TMEM132D: variants seen among roughly 807,000 people sequenced by gnomAD.
TMEM132D encodes the protein transmembrane protein 132D.
In TMEM132D, 21 loss-of-function variants were observed where a neutral mutation model predicts 62.3. The observed-to-expected ratio is 0.34, with a 90% CI of 0.24 to 0.49. TMEM132D has a LOEUF of 0.49. Ranked by LOEUF, TMEM132D falls within the 20% of genes least tolerant of loss-of-function variation. The pLI is 0.99. For synonymous variants in TMEM132D, 621 were observed against 575.6 expected, an observed-to-expected ratio of 1.08 and a Z score of -1.13; for missense variants, 1,346 against 1,402.8, an observed-to-expected ratio of 0.96 and a Z score of 0.65.
intron 3 of TMEM132D, among the ~76,000 whole-genome samples, chr12:129,453,511 C>CA (rs1873368888): frequency 6.6e-6 from 1 of 152,072 alleles, no homozygotes; most frequent in Non-Finnish European, 1.5e-5. Context: ...TCTCTGAAGT[C>CA]AAAAAAGTAA....
intron 4 of TMEM132D, among the ~76,000 whole-genome samples, chr12:129,283,707 C>T (rs1881220608): frequency 6.6e-6 from 1 of 152,168 alleles, no homozygotes; most frequent in Non-Finnish European, 1.5e-5. Flanking sequence ...TCCTATACTC[C>T]AACACTCTCA....
chr12:129,252,768 A>G (rs1426045862), intron 4 of TMEM132D, among the ~76,000 whole-genome samples: 1 of 152,086 alleles, frequency 6.6e-6, no homozygotes, highest in African/African-American at 2.4e-5. Flanking sequence ...ACTATTCACA[A>G]TAGCAAAGAC....
Position 129,700,036 on chromosome 12 carries a change from T to C in TMEM132D, c.742A>G (p.Asn248Asp). The C allele has an allele frequency of 5.0e-6, 8 of 1,613,944 alleles. No individual in the cohort carries two copies. The highest frequency in any genetic ancestry group is 6.8e-6 in the Non-Finnish European group (8 of 1,180,034). ...TCACTGTGGCCTGTCCGGATCCCATTGCTTCTCCTCGCGTCTTCCCTGACG... is the reference window on the plus strand; with the variant it reads ...TCACTGTGGCCTGTCCGGATCCCATCGCTTCTCCTCGCGTCTTCCCTGACG... ...DCVREDARRS[N>D]GIRTGHSDID... Residue 248 changes from asparagine to aspartate, a missense_variant, in exon 2 of 9, where the codon AAT (asparagine) becomes GAT (aspartate). Transcript: ENST00000422113.
intron 1 of TMEM132D, among the ~76,000 whole-genome samples, chr12:129,860,624 T>A (rs551549678): frequency 1.6e-4 from 25 of 152,310 alleles, no homozygotes; most frequent in African/African-American, 5.5e-4. Context: ...AGCTATGTCA[T>A]CTTGTTGGCT....
chr12:129,176,101 T>A (rs115001885), intron 5 of TMEM132D, among the ~76,000 whole-genome samples: 84 of 152,304 alleles, frequency 5.5e-4, no homozygotes, highest in African/African-American at 1.9e-3. Context: ...CCACGTTGCG[T>A]GGAACTAGAC....
chr12:129,425,210 C>T (rs942842685), intron 3 of TMEM132D, among the ~76,000 whole-genome samples: 2 of 152,084 alleles, frequency 1.3e-5, no homozygotes, highest in African/African-American at 2.4e-5. Context: ...GTGCTAAGGA[C>T]GTTCATGCGC....
At chr12:129,205,693 C>T (rs1051636890) in intron 5 of TMEM132D, among the ~76,000 whole-genome samples, 3 of 152,082 alleles carry the variant, frequency 2.0e-5, no homozygotes, top group Admixed American at 1.3e-4. Context: ...AACTCTCCAC[C>T]CCTAAACAAT....
At chr12:129,803,779 A>T (rs1231432852) in intron 1 of TMEM132D, among the ~76,000 whole-genome samples, 8 of 151,954 alleles carry the variant, frequency 5.3e-5, no homozygotes, top group South Asian at 2.1e-4. Flanking sequence ...TCAACAAAAT[A>T]GATAGACCGC....
intron 2 of TMEM132D, among the ~76,000 whole-genome samples, chr12:129,561,127 C>T (rs1351571505): frequency 2.0e-5 from 3 of 152,176 alleles, no homozygotes; most frequent in South Asian, 2.1e-4. Flanking sequence ...ATTTGGTTTG[C>T]GAGATTCAGG....
intron 2 of TMEM132D, among the ~76,000 whole-genome samples, chr12:129,674,755 G>C (rs1880588689): frequency 6.6e-6 from 1 of 152,084 alleles, no homozygotes; most frequent in South Asian, 2.1e-4. Flanking sequence ...TGGCCAGACT[G>C]GTCTCGAACT....
At chr12:129,536,336 C>T (rs1357919918) in intron 2 of TMEM132D, among the ~76,000 whole-genome samples, 2 of 152,198 alleles carry the variant, frequency 1.3e-5, no homozygotes, top group Non-Finnish European at 2.9e-5. Flanking sequence ...GGGGTCACAG[C>T]AAAGCTTTTT....
chr12:129,523,415 T>A (rs543218438), intron 3 of TMEM132D, among the ~76,000 whole-genome samples: 15 of 152,306 alleles, frequency 9.8e-5, no homozygotes, highest in Admixed American at 5.2e-4. Flanking sequence ...AATGGCATAA[T>A]GTAATTATTG....
rs866481437 is a variant in TMEM132D, at chr12:129,149,895, G to A, written c.1443+59625C>T. On this transcript the variant is annotated intron_variant, in intron 5 of 8. Transcript: ENST00000422113. ...AACACTCCTCCTGTAGCTAACTACC[G>A]GCTTCTCCGGTGTGTAAGACTTTCA... Among the ~76,000 whole-genome samples, 5 of 152,214 alleles carry A rather than the reference G, an allele frequency of 3.3e-5. 1 individual carries two copies. Among genetic ancestry groups the A allele is most frequent in the African/African-American group, 4.8e-5 (2 of 41,454 alleles).
At chr12:129,464,197 G>T (rs11060359) in intron 3 of TMEM132D, among the ~76,000 whole-genome samples, 33,396 of 151,400 alleles carry the variant, frequency 0.22, 3,903 homozygotes, top group East Asian at 0.34. Flanking sequence ...TCTCATTGTG[G>T]TTTTGATTTG....
chr12:129,836,521 C>CGT (rs946944468), intron 1 of TMEM132D, among the ~76,000 whole-genome samples: 2 of 150,254 alleles, frequency 1.3e-5, no homozygotes, highest in African/African-American at 4.9e-5. Flanking sequence ...TGTGTGCGCG[C>CGT]GTGTGTGTGT....
chr12:129,592,224 G>T (rs1333036275), intron 2 of TMEM132D, among the ~76,000 whole-genome samples: 1 of 81,112 alleles, frequency 1.2e-5, no homozygotes, highest in African/African-American at 5.0e-5. Context: ...CTGATTTTAG[G>T]GAGTAAAAAA....
intron 3 of TMEM132D, among the ~76,000 whole-genome samples, chr12:129,528,459 A>C (rs1026404494): frequency 6.6e-6 from 1 of 151,126 alleles, no homozygotes; most frequent in Non-Finnish European, 1.5e-5. Context: ...AAAATCAAAC[A>C]GTTCAAATGG....
At chr12:129,293,466 C>T (rs576392180) in intron 4 of TMEM132D, among the ~76,000 whole-genome samples, 4 of 152,196 alleles carry the variant, frequency 2.6e-5, no homozygotes, top group South Asian at 2.1e-4. Flanking sequence ...AGACGGGTGG[C>T]GGGATGGTTT....
intron 5 of TMEM132D, among the ~76,000 whole-genome samples, chr12:129,163,481 T>G (rs889174261): frequency 9.9e-5 from 15 of 152,214 alleles, no homozygotes; most frequent in Admixed American, 9.8e-4. Context: ...TGGGGTTGGG[T>G]TTGGCCACTG....
Sources: allele counts gnomAD v4.1 joint callset (sites outside exome capture counted in the v4.1 genomes callset), GRCh38; gene constraint gnomAD v4.1.1; transcripts MANE v1.5; gene names NCBI Gene and HGNC (gene_info 2026-07-23, HGNC 2026-07-21).